HDAC9: variants seen among roughly 807,000 people sequenced by gnomAD.
HDAC9 encodes histone deacetylase 9.
A neutral mutation model predicts 139.4 loss-of-function variants in HDAC9; 41 were observed. The ratio of observed to expected loss-of-function variants is 0.29; its 90% CI spans 0.23 to 0.38. HDAC9 has a LOEUF of 0.38. Among genes scored for constraint, HDAC9 ranks in the 10% least tolerant of loss-of-function variants. The pLI is 1.00. For missense variants in HDAC9, 1,147 were observed against 1,297.0 expected (o/e 0.88, Z 1.78); for synonymous variants, 517 against 476.2 (o/e 1.09, Z -1.12).
intron 2 of HDAC9, among the ~76,000 whole-genome samples, chr7:18,224,624 C>T (rs1400544615): frequency 2.0e-5 from 3 of 152,126 alleles, no homozygotes; most frequent in Non-Finnish European, 4.4e-5. Context: ...ACATCACACA[C>T]ATTCACATGG....
chr7:18,720,547 A>C (rs551610103), intron 12 of HDAC9, among the ~76,000 whole-genome samples: 2 of 152,024 alleles, frequency 1.3e-5, no homozygotes, highest in East Asian at 3.9e-4. Context: ...CTATCAGTGA[A>C]ATTATTTCAT....
chr7:18,504,765 C>T (rs144522311), intron 2 of HDAC9, among the ~76,000 whole-genome samples: 1 of 152,096 alleles, frequency 6.6e-6, no homozygotes. Flanking sequence ...GTAGTTGTTG[C>T]AGCAATATTG....
intron 1 of HDAC9, among the ~76,000 whole-genome samples, chr7:18,407,154 G>C (rs1007333752): frequency 6.6e-6 from 1 of 151,984 alleles, no homozygotes; most frequent in African/African-American, 2.4e-5. Flanking sequence ...TTTCACTCCA[G>C]ATCTTATTTA....
chr7:18,639,923 A>G (rs768927552), intron 8 of HDAC9, among the ~76,000 whole-genome samples: 2 of 152,000 alleles, frequency 1.3e-5, no homozygotes, highest in Non-Finnish European at 2.9e-5. Flanking sequence ...TGAGTGGGAG[A>G]GCTCAAGTAT....
chr7:18,722,156 G>T (rs967850532), intron 12 of HDAC9, among the ~76,000 whole-genome samples: 3 of 152,148 alleles, frequency 2.0e-5, no homozygotes, highest in African/African-American at 7.2e-5. Context: ...TTAGCTGAGA[G>T]TATTTTCCAG....
chr7:18,760,324 G>A (rs753060520), intron 14 of HDAC9, among the ~76,000 whole-genome samples: 3 of 151,998 alleles, frequency 2.0e-5, no homozygotes, highest in Admixed American at 1.3e-4. Flanking sequence ...TGTTGCCTTC[G>A]AATTTTCTCA....
At chr7:18,705,874 T>G (rs117844302) in intron 12 of HDAC9, among the ~76,000 whole-genome samples, 3 of 107,854 alleles carry the variant, frequency 2.8e-5, no homozygotes, top group African/African-American at 1.6e-4. Flanking sequence ...TAAAATAAAA[T>G]AAAATAAAAG....
intron 21 of HDAC9, 62 bp downstream of exon 21, chr7:18,836,059 C>A (rs1796213555): frequency 3.5e-6 from 3 of 847,452 alleles, no homozygotes; most frequent in Admixed American, 5.0e-5. Flanking sequence ...TGAAATAACA[C>A]CAAATATGGA....
chr7:18,945,738 T>C (rs931731358), intron 23 of HDAC9, among the ~76,000 whole-genome samples: 3 of 152,086 alleles, frequency 2.0e-5, no homozygotes, highest in South Asian at 2.1e-4. Flanking sequence ...GTACCACTTA[T>C]AGAAAAGACC....
intron 24 of HDAC9, among the ~76,000 whole-genome samples, chr7:18,958,766 A>T (rs1012195222): frequency 9.2e-5 from 14 of 152,166 alleles, no homozygotes; most frequent in Admixed American, 7.9e-4. Flanking sequence ...TCACATATTT[A>T]TACTCCTTGG....
intron 2 of HDAC9, among the ~76,000 whole-genome samples, chr7:18,198,414 C>T (rs923956872): frequency 6.6e-6 from 1 of 152,108 alleles, no homozygotes; most frequent in African/African-American, 2.4e-5. Flanking sequence ...ACTGTAAAAT[C>T]TTCTCTTAGA....
chr7:18,602,457 T>A (rs1834223635), intron 6 of HDAC9, among the ~76,000 whole-genome samples: 1 of 138,776 alleles, frequency 7.2e-6, no homozygotes, highest in Non-Finnish European at 1.6e-5. Context: ...TGTCTTGAAT[T>A]TCCCATTAAT....
At chr7:18,523,397 A>C (rs1246567347) in intron 2 of HDAC9, among the ~76,000 whole-genome samples, 3 of 152,220 alleles carry the variant, frequency 2.0e-5, no homozygotes, top group Non-Finnish European at 4.4e-5. Context: ...AAGGACCAGA[A>C]AGAGATAAAT....
intron 21 of HDAC9, among the ~76,000 whole-genome samples, chr7:18,857,739 A>G (rs534328083): frequency 6.6e-6 from 1 of 152,244 alleles, no homozygotes; most frequent in South Asian, 2.1e-4. Flanking sequence ...ATTGAGATTC[A>G]CTGTAGATGT....
intron 2 of HDAC9, among the ~76,000 whole-genome samples, chr7:18,582,941 A>G (rs912485636): frequency 6.6e-6 from 1 of 152,180 alleles, no homozygotes; most frequent in Non-Finnish European, 1.5e-5. Context: ...ATATGTATAC[A>G]CGTGGGTCAT....
intron 1 of HDAC9, among the ~76,000 whole-genome samples, chr7:18,370,236 A>G (rs1369236618): frequency 1.3e-5 from 2 of 152,176 alleles, no homozygotes; most frequent in Admixed American, 1.3e-4. Context: ...GTGTGGTTCT[A>G]GTTAGAATCC....
At chr7:18,479,846 T>TA (rs1363101672) in intron 1 of HDAC9, among the ~76,000 whole-genome samples, 2 of 152,058 alleles carry the variant, frequency 1.3e-5, no homozygotes, top group African/African-American at 4.8e-5. Flanking sequence ...GTTTATTATA[T>TA]TACATAATAT....
At chr7:18,648,775 TG>T in intron 11 of HDAC9, 92 bp downstream of exon 11, 1 of 1,074,040 alleles carries the variant, frequency 9.3e-7, no homozygotes. Context: ...GGAATGTTGA[TG>T]GGAGTCACAG....
rs80355235 is a variant in HDAC9, at chr7:18,196,662, T to C, written c.25+34313T>C. Among the ~76,000 whole-genome samples, 37 of 152,206 alleles carry C rather than the reference T, an allele frequency of 2.4e-4. 1 individual carries two copies. In the East Asian group the frequency reaches 7.2e-3, roughly 29 times the overall value. On this transcript the variant is annotated intron_variant, in intron 2 of 12. Transcript: ENST00000417496. Reference sequence around the variant, plus strand: ...TTCAGAGTAAGGTGTCATTATAAGTTAAGGAGTAGAACAGGGATGGTAAGA... The same window carrying C: ...TTCAGAGTAAGGTGTCATTATAAGTCAAGGAGTAGAACAGGGATGGTAAGA...
Sources: gnomAD v4.1 joint callset for allele counts (sites outside exome capture counted in the v4.1 genomes callset) on GRCh38, gnomAD v4.1.1 for gene constraint, MANE v1.5 for transcripts, NCBI Gene and HGNC (gene_info 2026-07-23, HGNC 2026-07-21) for gene names.